ZAR1L: variants seen among roughly 807,000 people sequenced by gnomAD.
ZAR1L encodes protein ZAR1-like.
ZAR1L carries 16 observed loss-of-function variants against 30.0 expected under a neutral mutation model. The observed-to-expected ratio is 0.53, with a 90% CI of 0.36 to 0.81. The LOEUF is 0.81. ZAR1L is among the 30% of genes least tolerant of loss of function. ZAR1L has a pLI of 0.00. For missense variants in ZAR1L, 392 were observed against 417.2 expected (o/e 0.94, Z 0.53); for synonymous variants, 197 against 166.8 (o/e 1.18, Z -1.40).
chr13:32,310,759 C>A (rs1203355152), intron 3 of ZAR1L, 28 bp from the exon 4 acceptor site: 42 of 1,459,728 alleles, frequency 2.9e-5, no homozygotes, highest in Non-Finnish European at 3.9e-5. Context: ...AAGTACTTTA[C>A]CATCATGCAA....
Position 32,303,878 on chromosome 13 carries a change from G to A in ZAR1L, c.*1C>T. The A allele has an allele frequency of 7.1e-6, 11 of 1,551,628 alleles. No homozygotes were observed. The highest frequency in any genetic ancestry group is 9.6e-6 in the Non-Finnish European group (11 of 1,146,938). On this transcript the variant is annotated 3_prime_UTR_variant, in exon 6 of 6. Coordinates refer to ENST00000533490, the MANE Select transcript of ZAR1L (RefSeq NM_001136571.2). ...GTCCATTACAAGTCACACTGTACAAGTCACATCACATATTTAAAGCTGTAA... is the reference window on the plus strand; with the variant it reads ...GTCCATTACAAGTCACACTGTACAAATCACATCACATATTTAAAGCTGTAA...
chr13:32,311,768 G>C lies in ZAR1L; in HGVS notation c.158C>G (p.Ala53Gly). The C allele has an allele frequency of 6.4e-7, 1 of 1,551,670 alleles. No homozygotes were observed. Among genetic ancestry groups the C allele is most frequent in the Non-Finnish European group, 8.7e-7 (1 of 1,147,010 alleles). Residue 53 changes from alanine to glycine, a missense_variant, in exon 3 of 6, where the codon GCG becomes GGG. By Grantham distance (60) the Ala-to-Gly change is moderately conservative. Transcript: ENST00000533490. ...GTCAATGCAGTAGTCAGGGGCGTTCGCGGGCACCAGCAGCCCTGGCCTGGC... is the reference window on the plus strand; with the variant it reads ...GTCAATGCAGTAGTCAGGGGCGTTCCCGGGCACCAGCAGCCCTGGCCTGGC... Reference protein sequence around the residue: ...FLARPGLLVPANAPDYCIDPY... With the variant: ...FLARPGLLVPGNAPDYCIDPY...
Position 32,312,008 on chromosome 13 carries a change from CTTCTTTCTCTTCATCAGG to C in ZAR1L, c.-101_-84del. 1 of 1,392,604 alleles carries C rather than the reference CTTCTTTCTCTTCATCAGG, an allele frequency of 7.2e-7. No homozygotes were observed. Among genetic ancestry groups the C allele is most frequent in the Non-Finnish European group, 9.5e-7 (1 of 1,048,702 alleles). 86.3% of individuals were successfully genotyped at this position (1,392,604 alleles called of 1,614,324 possible). ...TTTTGCCTTCCTCCTTCATCCGCCC[CTTCTTTCTCTTCATCAGG>C]TTGGTTCAGATTCATTCCTGGCTTC... On this transcript the variant is annotated 5_prime_UTR_variant, in exon 3 of 6. The change abolishes an upstream ATG in the 5' untranslated region. Transcript: ENST00000533490.
At chr13:32,313,603 G>A (rs1006052876) in intron 2 of ZAR1L, among the ~76,000 whole-genome samples, 3 of 152,248 alleles carry the variant, frequency 2.0e-5, no homozygotes, top group Non-Finnish European at 2.9e-5. Context: ...CTGACCTCAG[G>A]TGATCTGCCC....
chr13:32,312,770 C>T (rs1183322416), intron 2 of ZAR1L, among the ~76,000 whole-genome samples: 2 of 152,094 alleles, frequency 1.3e-5, no homozygotes, highest in African/African-American at 2.4e-5. Context: ...CCCAGCTACT[C>T]GGGAGGCTGA....
At chr13:32,312,449 C>G (rs960307080) in intron 2 of ZAR1L, among the ~76,000 whole-genome samples, 3 of 152,202 alleles carry the variant, frequency 2.0e-5, no homozygotes, top group Non-Finnish European at 4.4e-5. Flanking sequence ...TGAAGAGATA[C>G]CTTCACTTCC....
intron 4 of ZAR1L, among the ~76,000 whole-genome samples, chr13:32,309,694 T>A (rs866656751): frequency 6.6e-6 from 1 of 152,376 alleles, no homozygotes; most frequent in Non-Finnish European, 1.5e-5. Flanking sequence ...AATTACATTT[T>A]GTTTCCATCA....
Position 32,311,742 on chromosome 13 carries a change from G to C in ZAR1L, c.184C>G (p.Pro62Ala), listed in dbSNP as rs1473547512. The change falls in exon 3 of 6, where the codon CCT becomes GCT. Residue 62 changes from proline to alanine, a missense_variant. Coordinates refer to ENST00000533490, the MANE Select transcript of ZAR1L (RefSeq NM_001136571.2). ...PANAPDYCID[P>A]YKRAQLKAIL... The stretch of plus-strand genomic sequence containing the variant: ...GCCTTAAGCTGCGCCCTCTTGTAAG[G>C]GTCAATGCAGTAGTCAGGGGCGTTC... The C allele has an allele frequency of 1.3e-6, 2 of 1,551,740 alleles. No individual in the cohort carries two copies. The highest frequency in any genetic ancestry group is 1.2e-5 in the South Asian group (1 of 84,068).
At position 32,303,931 on chromosome 13, in the gene ZAR1L, T is replaced by C; in HGVS notation, c.914A>G (p.Lys305Arg). The C allele has an allele frequency of 6.4e-7, 1 of 1,551,914 alleles. No individual in the cohort carries two copies. Among genetic ancestry groups the C allele is most frequent in the South Asian group, 1.2e-5 (1 of 84,064 alleles). Reference sequence around the variant, plus strand: ...ATTGCCACAGGAGAATCTCTTGTCTTTGCAGCGACCACACAGTTCCTGTCG... The same window carrying C: ...ATTGCCACAGGAGAATCTCTTGTCTCTGCAGCGACCACACAGTTCCTGTCG... ...PHRQELCGRC[K>R]DKRFSCGNIY... is the part of the protein sequence containing the mutation. The change falls in exon 6 of 6, where the codon AAA (lysine) becomes AGA (arginine). Residue 305 changes from lysine (K) to arginine (R), a missense_variant. Transcript: ENST00000533490.
intron 5 of ZAR1L, among the ~76,000 whole-genome samples, chr13:32,307,342 T>C (rs1349333156): frequency 6.6e-6 from 1 of 151,240 alleles, no homozygotes; most frequent in East Asian, 1.9e-4. Context: ...GTACTAAAAA[T>C]ACAAAAATTA....
chr13:32,308,345 A>G (rs972680846), intron 5 of ZAR1L, among the ~76,000 whole-genome samples: 1 of 152,248 alleles, frequency 6.6e-6, no homozygotes, highest in Admixed American at 6.5e-5. Flanking sequence ...AGATTAGATG[A>G]CAGGAGGTAA....
Position 32,314,541 on chromosome 13 carries a change from G to C in ZAR1L, c.-380C>G, listed in dbSNP as rs2072235545. 1 of 152,304 alleles carries C rather than the reference G, an allele frequency of 6.6e-6. No homozygotes were observed. Among genetic ancestry groups the C allele is most frequent in the Non-Finnish European group, 1.5e-5 (1 of 68,092 alleles). The allele number at this position is 152,304 out of a possible 1,614,324, so 9.4% of individuals were successfully genotyped here. On this transcript the variant is annotated 5_prime_UTR_variant, in exon 2 of 6. In the 5' UTR this introduces an upstream ATG that the reference lacks. Coordinates refer to ENST00000533490, the MANE Select transcript of ZAR1L (RefSeq NM_001136571.2). ...AGTTCAGCCTGCGAGGAAGACAGGT[G>C]ATCCGAATCCTAAGAATGCAAAAGA...
At chr13:32,313,386 TGGA>T (rs1378354077) in intron 2 of ZAR1L, among the ~76,000 whole-genome samples, 1 of 152,214 alleles carries the variant, frequency 6.6e-6, no homozygotes, top group Non-Finnish European at 1.5e-5. Flanking sequence ...TTGTTTGAAA[TGGA>T]GTTTCCTTGC....
intron 3 of ZAR1L, 42 bp downstream of exon 3, chr13:32,311,230 T>G: frequency 3.3e-6 from 5 of 1,497,860 alleles, no homozygotes; most frequent in Non-Finnish European, 3.6e-6. Context: ...AGGGAGGGGA[T>G]GAGGCTGGTC....
At position 32,303,754 on chromosome 13, in the gene ZAR1L, C is replaced by A; in HGVS notation, c.*125G>T. The A allele has an allele frequency of 5.5e-6, 5 of 902,570 alleles. No individual in the cohort carries two copies. The highest frequency in any genetic ancestry group is 8.2e-6 in the Non-Finnish European group (5 of 608,150). The allele number at this position is 902,570 out of a possible 1,614,324, so 55.9% of individuals were successfully genotyped here. ...TCACATTGTACAATTGTTACACAAT[C>A]TACAAAAAGTACAAAAGCCTAGCCA... is the stretch of plus-strand genomic sequence containing the variant. On this transcript the variant is annotated 3_prime_UTR_variant, in exon 6 of 6. Coordinates refer to ENST00000533490, the MANE Select transcript of ZAR1L (RefSeq NM_001136571.2).
At chr13:32,313,170 A>G (rs206112) in intron 2 of ZAR1L, among the ~76,000 whole-genome samples, 1 of 151,996 alleles carries the variant, frequency 6.6e-6, no homozygotes, top group Non-Finnish European at 1.5e-5. Context: ...ACTACAGTTA[A>G]CAATACTGTA....
At chr13:32,304,119 C>T (rs2072157784) in intron 5 of ZAR1L, 97 bp from the exon 6 acceptor site, 4 of 1,300,754 alleles carry the variant, frequency 3.1e-6, no homozygotes, top group Middle Eastern at 2.5e-4. Context: ...TACCCTATCC[C>T]TGAAACCTTC....
At chr13:32,313,893 T>G (rs1169392943) in intron 2 of ZAR1L, among the ~76,000 whole-genome samples, 2 of 152,148 alleles carry the variant, frequency 1.3e-5, no homozygotes, top group African/African-American at 2.4e-5. Flanking sequence ...CGGGTTCTCA[T>G]TAGTCCACTC....
Position 32,311,939 on chromosome 13 carries a change from C to T in ZAR1L, c.-14G>A. On this transcript the variant is annotated 5_prime_UTR_variant, in exon 3 of 6. Transcript: ENST00000533490. ...AAAGCGCTCCATCCGCTCTCAGGTG[C>T]TCAGGCGCAGTCTAATATCCTAGCC... The T allele has an allele frequency of 6.5e-7, 1 of 1,535,926 alleles. No homozygotes were observed.
Sources: gnomAD v4.1 joint callset for allele counts (sites outside exome capture counted in the v4.1 genomes callset) on GRCh38, gnomAD v4.1.1 for gene constraint, MANE v1.5 for transcripts, NCBI Gene and HGNC (gene_info 2026-07-23, HGNC 2026-07-21) for gene names.